The following CRISP1 variants were observed in gnomAD, a reference collection of about 807,000 sequenced individuals.
CRISP1 encodes cysteine-rich secretory protein 1.
CRISP1 carries 44 observed loss-of-function variants against 33.1 expected under a neutral mutation model. The ratio of observed to expected loss-of-function variants is 1.33; its 90% CI spans 1.05 to 1.71. CRISP1 has a LOEUF of 1.71. Ranked by LOEUF, CRISP1 falls within the 40% of genes most tolerant of loss-of-function variation. The pLI, the probability that CRISP1 is intolerant of heterozygous loss-of-function variation, is 0.00. For synonymous variants in CRISP1, 103 were observed against 98.7 expected, an observed-to-expected ratio of 1.04 and a Z score of -0.26; for missense variants, 390 against 301.2, an observed-to-expected ratio of 1.29 and a Z score of -2.18.
At chr6:49,868,674 C>A (rs1297682017), upstream of CRISP1, among the ~76,000 whole-genome samples, 1 of 152,060 alleles carries the variant, frequency 6.6e-6, no homozygotes, top group African/African-American at 2.4e-5. Flanking sequence ...ACACAGACAT[C>A]CTCTCCTTTC....
intron 7 of CRISP1, among the ~76,000 whole-genome samples, chr6:49,835,670 A>AT (rs1182143233): frequency 2.6e-5 from 4 of 152,182 alleles, no homozygotes; most frequent in Non-Finnish European, 5.9e-5. Flanking sequence ...TTTTATCACA[A>AT]TTTTTTAAGT....
At chr6:49,835,861 T>C (rs149050066) in intron 7 of CRISP1, among the ~76,000 whole-genome samples, 506 of 152,300 alleles carry the variant, frequency 3.3e-3, no homozygotes, top group Non-Finnish European at 5.2e-3. Context: ...CAATGGAAAA[T>C]GGAATTAAAA....
intron 1 of CRISP1, among the ~76,000 whole-genome samples, chr6:49,871,621 T>C (rs1771926392): frequency 7.3e-6 from 1 of 136,172 alleles, no homozygotes; most frequent in Admixed American, 8.5e-5. Flanking sequence ...CATTGTTCAA[T>C]TCCCACCTAT....
At chr6:49,859,400 G>GAA (rs76029848) in intron 1 of CRISP1, among the ~76,000 whole-genome samples, 1 of 102,754 alleles carries the variant, frequency 9.7e-6, no homozygotes. Context: ...AGTGCTGAAA[G>GAA]AAAAAAAAAA....
intron 1 of CRISP1, among the ~76,000 whole-genome samples, chr6:49,857,738 G>C (rs764641272): frequency 2.6e-5 from 4 of 152,144 alleles, no homozygotes; most frequent in Non-Finnish European, 4.4e-5. Context: ...GGAATACCTA[G>C]GTGGACCCAA....
chr6:49,849,528 A>C lies in CRISP1; in HGVS notation c.196-1229T>G, dbSNP rs148766484. ...TGGGCAATACTCATTTTTGTGCTGCAAGCAACTAGACCTTGGCTGAACCCC... is the reference window on the plus strand; with the variant it reads ...TGGGCAATACTCATTTTTGTGCTGCCAGCAACTAGACCTTGGCTGAACCCC... On this transcript the variant is annotated intron_variant, in intron 3 of 7. Coordinates refer to ENST00000335847, the MANE Select transcript of CRISP1 (RefSeq NM_001131.3). Among the ~76,000 whole-genome samples the C allele has an allele frequency of 1.1e-3, 174 of 152,292 alleles. 1 individual carries two copies. The highest frequency in any genetic ancestry group is 4.0e-3 in the African/African-American group (165 of 41,580).
At chr6:49,858,368 GC>G (rs1226640450) in intron 1 of CRISP1, among the ~76,000 whole-genome samples, 1 of 152,078 alleles carries the variant, frequency 6.6e-6, no homozygotes, top group Non-Finnish European at 1.5e-5. Flanking sequence ...TGTGTGAGAA[GC>G]AAAAAAGGCT....
At chr6:49,869,186 C>T (rs1220897095), upstream of CRISP1, among the ~76,000 whole-genome samples, 46 of 152,210 alleles carry the variant, frequency 3.0e-4, no homozygotes, top group Non-Finnish European at 2.9e-5. Context: ...AATCAGTTGT[C>T]AGTTGAGGCT....
intron 7 of CRISP1, 28 bp downstream of exon 7, chr6:49,838,409 T>C (rs1361811877): frequency 6.4e-7 from 1 of 1,556,390 alleles, no homozygotes; most frequent in African/African-American, 1.4e-5. Flanking sequence ...GGGTTAACTG[T>C]AAACAAACAG....
chr6:49,842,437 T>G (rs188704650), intron 5 of CRISP1, among the ~76,000 whole-genome samples: 4 of 152,114 alleles, frequency 2.6e-5, no homozygotes, highest in African/African-American at 9.7e-5. Context: ...CAAAGAAAAA[T>G]TGAAAATGAA....
chr6:49,875,665 T>C (rs1399192485), intron 1 of CRISP1, among the ~76,000 whole-genome samples: 1 of 152,138 alleles, frequency 6.6e-6, no homozygotes, highest in Admixed American at 6.6e-5. Context: ...AAGGCTACAG[T>C]AATCAAAACA....
At chr6:49,851,851 CT>C (rs1308061617) in intron 3 of CRISP1, 149 bp downstream of exon 3, 3 of 891,980 alleles carry the variant, frequency 3.4e-6, no homozygotes, top group Non-Finnish European at 4.9e-6. Flanking sequence ...AGTTACTTAC[CT>C]TCTCTGGACC....
At position 49,852,846 on chromosome 6, in the gene CRISP1, TTGTGTGTGTG is replaced by T. The variant is rs3056388; in HGVS notation, c.67-727_67-718del. 4.0e-3 allele frequency among the ~76,000 whole-genome samples: 582 copies of T among 145,534 alleles called. 6 individuals carry two copies. Among genetic ancestry groups the T allele is most frequent in the African/African-American group, 0.012 (493 of 39,608 alleles). ...GCATTAATCGCTATAAAGAGAATCT[TTGTGTGTGTG>T]TGTGTGTGTGTGTGTGTGTGTGTGT... On this transcript the variant is annotated intron_variant, in intron 2 of 7. Transcript: ENST00000335847.
intron 3 of CRISP1, among the ~76,000 whole-genome samples, chr6:49,850,698 T>G (rs1295477177): frequency 1.3e-5 from 2 of 152,204 alleles, no homozygotes; most frequent in Non-Finnish European, 2.9e-5. Flanking sequence ...ATTTCATATC[T>G]TTTTGTGTTA....
At chr6:49,875,355 TTCA>T (rs1243010455) in intron 1 of CRISP1, among the ~76,000 whole-genome samples, 1 of 151,764 alleles carries the variant, frequency 6.6e-6, no homozygotes, top group Admixed American at 6.6e-5. Flanking sequence ...AGTGAAGGAC[TTCA>T]TCAAGGAGAA....
chr6:49,861,540 A>C (rs761487429), intron 1 of CRISP1, among the ~76,000 whole-genome samples: 6 of 152,134 alleles, frequency 3.9e-5, no homozygotes, highest in African/African-American at 1.4e-4. Context: ...CATTTGATAA[A>C]ATTTAACATC....
intron 6 of CRISP1, 55 bp from the exon 7 acceptor site, chr6:49,838,580 A>T (rs1379594651): frequency 2.2e-6 from 3 of 1,355,182 alleles, no homozygotes; most frequent in African/African-American, 1.5e-5. Flanking sequence ...CTCACATAAA[A>T]CTTTACTCAC....
rs200180587 is a variant in CRISP1, at chr6:49,860,851, A to G, written c.-2-3449T>C. 3.3e-5 allele frequency among the ~76,000 whole-genome samples: 5 copies of G among 152,132 alleles called. No homozygotes were observed. In the East Asian group the frequency reaches 7.7e-4, roughly 23 times the overall value. On this transcript the variant is annotated intron_variant, in intron 1 of 7. Transcript: ENST00000335847. ...TTTTTTGAAAATATAAACAAGACCA[A>G]TAGGCCGAGTAACCAAGATAAAAAA...
In CRISP1 at chr6:49,857,185, A is replaced by T; in HGVS notation, c.66+150T>A. 9.5e-6 allele frequency: 6 copies of T among 633,634 alleles called. 1 individual carries two copies. The South Asian group carries it at 1.3e-4, about 13-fold the overall frequency. 39.3% of individuals were successfully genotyped at this position (633,634 alleles called of 1,614,324 possible). On this transcript the variant is annotated intron_variant, in intron 2 of 7. Coordinates refer to ENST00000335847, the MANE Select transcript of CRISP1 (RefSeq NM_001131.3). Reference sequence around the variant, plus strand: ...TCCTTTATAAAATGGTATTAAGATGAGTACTTGCCTAACAGGGCTATTGTG... The same window carrying T: ...TCCTTTATAAAATGGTATTAAGATGTGTACTTGCCTAACAGGGCTATTGTG...
Sources: allele counts gnomAD v4.1 joint callset (sites outside exome capture counted in the v4.1 genomes callset), GRCh38; gene constraint gnomAD v4.1.1; transcripts MANE v1.5; gene names NCBI Gene and HGNC (gene_info 2026-07-23, HGNC 2026-07-21).